The following ETV6 variants were observed in gnomAD, a reference collection of about 807,000 sequenced individuals.
The protein encoded by ETV6 is transcription factor ETV6.
A neutral mutation model predicts 51.1 loss-of-function variants in ETV6; 16 were observed. That is an observed-to-expected ratio of 0.31 (90% confidence interval 0.21 to 0.48). ETV6 has a LOEUF of 0.48. Among genes scored for constraint, ETV6 ranks in the 20% least tolerant of loss-of-function variants. The pLI, the probability that ETV6 is intolerant of heterozygous loss-of-function variation, is 0.99. For missense variants in ETV6, 458 were observed against 594.8 expected, an observed-to-expected ratio of 0.77 and a Z score of 2.39; for synonymous variants, 240 against 224.1, an observed-to-expected ratio of 1.07 and a Z score of -0.64.
At chr12:11,729,948 T>G (rs746329883) in intron 1 of ETV6, among the ~76,000 whole-genome samples, 6 of 152,142 alleles carry the variant, frequency 3.9e-5, no homozygotes, top group Non-Finnish European at 5.9e-5. Flanking sequence ...GGCATTTAAT[T>G]TCTCTCTACC....
intron 2 of ETV6, among the ~76,000 whole-genome samples, chr12:11,784,862 A>ATTTTTTTTTTTTTTTTTTTTTTTTTT (rs34004409): frequency 1.2e-5 from 1 of 85,758 alleles, no homozygotes; most frequent in African/African-American, 4.8e-5. Context: ...TGCCTTGCTA[A>ATTTTTTTTTTTTTTTTTTTTTTTTTT]TTTTTTTTTT....
chr12:11,749,809 A>G (rs1471056170), intron 1 of ETV6, among the ~76,000 whole-genome samples: 1 of 152,202 alleles, frequency 6.6e-6, no homozygotes, highest in East Asian at 1.9e-4. Flanking sequence ...TGCAGCCACC[A>G]AGCCCAGAGT....
chr12:11,886,329 C>T (rs1201357031), intron 7 of ETV6, among the ~76,000 whole-genome samples: 3 of 152,140 alleles, frequency 2.0e-5, no homozygotes. Flanking sequence ...AGCACAAAGT[C>T]AATGGCAAAA....
At chr12:11,875,801 G>A (rs555023442) in intron 5 of ETV6, among the ~76,000 whole-genome samples, 13 of 151,924 alleles carry the variant, frequency 8.6e-5, no homozygotes, top group Admixed American at 2.0e-4. Context: ...GCCACCATGC[G>A]TTTTTTTTAA....
At chr12:11,820,711 T>A (rs1946065990) in intron 2 of ETV6, among the ~76,000 whole-genome samples, 1 of 152,120 alleles carries the variant, frequency 6.6e-6, no homozygotes, top group African/African-American at 2.4e-5. Context: ...GGGAGCTGGG[T>A]ACAGACAGGT....
rs1865999676 is a variant in ETV6 at position 11,750,451 on chromosome 12, T to C, written c.34-1999T>C. On this transcript the variant is annotated intron_variant, in intron 1 of 7. Transcript: ENST00000396373. ...TGGACTAGCCAGAGTGTCTTGTGAG[T>C]TTCTCTTTGCTTCAAGGGAAAGAAG... is the stretch of plus-strand genomic sequence containing the variant. Among the ~76,000 whole-genome samples the C allele has an allele frequency of 3.3e-5, 5 of 152,072 alleles. No individual in the cohort carries two copies. In the South Asian group the frequency reaches 1.0e-3, roughly 32 times the overall value.
At chr12:11,729,092 A>G (rs1033250090) in intron 1 of ETV6, among the ~76,000 whole-genome samples, 3 of 152,206 alleles carry the variant, frequency 2.0e-5, no homozygotes, top group African/African-American at 4.8e-5. Flanking sequence ...GTTTAAGGCT[A>G]TTTCTAAATT....
chr12:11,832,606 A>G (rs1198870463), intron 2 of ETV6, among the ~76,000 whole-genome samples: 3 of 152,232 alleles, frequency 2.0e-5, no homozygotes, highest in Non-Finnish European at 2.9e-5. Flanking sequence ...TTTCAAACAT[A>G]CATGTTACGA....
intron 5 of ETV6, 95 bp downstream of exon 5, chr12:11,870,064 C>G: frequency 7.1e-7 from 1 of 1,406,352 alleles, no homozygotes; most frequent in East Asian, 2.3e-5. Flanking sequence ...CGCACCATTC[C>G]CAATTAGGCG....
chr12:11,761,632 A>T (rs1945087132), intron 2 of ETV6, among the ~76,000 whole-genome samples: 3 of 152,242 alleles, frequency 2.0e-5, no homozygotes, highest in Non-Finnish European at 4.4e-5. Flanking sequence ...GTTTACCCAC[A>T]TGGCATGTGT....
chr12:11,814,357 A>T (rs1945960159), intron 2 of ETV6, among the ~76,000 whole-genome samples: 1 of 152,218 alleles, frequency 6.6e-6, no homozygotes, highest in South Asian at 2.1e-4. Flanking sequence ...TTGTAAAAAA[A>T]AATTTTTTTT....
In ETV6 at chr12:11,869,109, G is replaced by A. The variant is rs772921665; in HGVS notation, c.464-315G>A. On this transcript the variant is annotated intron_variant, in intron 4 of 7. Coordinates refer to ENST00000396373, the MANE Select transcript of ETV6 (RefSeq NM_001987.5). The surrounding 1 kb of genome is among the most constrained non-coding windows in gnomAD (Gnocchi z 5.0). ...AAATTAGCCGAGCATGGTGGTGGGC[G>A]CCTGTAGTCCCAGCTACTCGGGAGG... 7.2e-5 allele frequency among the ~76,000 whole-genome samples: 11 copies of A among 152,060 alleles called. No homozygotes were observed. The highest frequency in any genetic ancestry group is 2.1e-4 in the South Asian group (1 of 4,806).
chr12:11,874,402 A>T (rs1172899073), intron 5 of ETV6, among the ~76,000 whole-genome samples: 4 of 100,538 alleles, frequency 4.0e-5, no homozygotes, highest in African/African-American at 1.3e-4. Context: ...GTGTGTGTAT[A>T]TATATATGTG....
intron 1 of ETV6, among the ~76,000 whole-genome samples, chr12:11,733,923 A>G (rs1051774810): frequency 5.3e-5 from 8 of 152,230 alleles, no homozygotes; most frequent in African/African-American, 7.2e-5. Context: ...AGCCACTAAC[A>G]TGTTAATCAA....
intron 1 of ETV6, among the ~76,000 whole-genome samples, chr12:11,718,369 G>T (rs1024359471): frequency 6.6e-6 from 1 of 152,144 alleles, no homozygotes; most frequent in African/African-American, 2.4e-5. Context: ...TGTTCGGCAG[G>T]ACTGGCTAGG....
At chr12:11,752,887 T>C (rs1591650328) in intron 2 of ETV6, 1 of 244,562 alleles carries the variant, frequency 4.1e-6, no homozygotes, top group Non-Finnish European at 7.8e-6. Context: ...GATTTCTGTG[T>C]GTGTGCAAAG....
At chr12:11,654,003 G>A (rs997893022) in intron 1 of ETV6, among the ~76,000 whole-genome samples, 45 of 152,050 alleles carry the variant, frequency 3.0e-4, no homozygotes, top group African/African-American at 1.1e-3. Context: ...GGTAGAGATG[G>A]GGGTTTCACC....
chr12:11,884,638 CT>C, intron 6 of ETV6, 51 bp downstream of exon 6: 1 of 1,604,642 alleles, frequency 6.2e-7, no homozygotes, highest in Non-Finnish European at 8.5e-7. Flanking sequence ...AAATGAAGTC[CT>C]TATCCCTGGA....
At chr12:11,839,387 C>A in intron 3 of ETV6, 83 bp downstream of exon 3, 2 of 1,338,440 alleles carry the variant, frequency 1.5e-6, no homozygotes, top group Non-Finnish European at 2.1e-6. Flanking sequence ...TCACCCGGCC[C>A]AAGAAATCCC....
Sources: gnomAD v4.1 joint callset for allele counts (sites outside exome capture counted in the v4.1 genomes callset) on GRCh38, gnomAD v4.1.1 for gene constraint, Gnocchi (gnomAD v3.1) non-coding constraint, MANE v1.5 for transcripts, NCBI Gene and HGNC (gene_info 2026-07-23, HGNC 2026-07-21) for gene names.